The following SCAPER variants were observed in gnomAD, a reference collection of about 807,000 sequenced individuals.
SCAPER encodes the protein S phase cyclin A-associated protein in the endoplasmic reticulum.
SCAPER carries 98 observed loss-of-function variants against 182.2 expected under a neutral mutation model. The observed-to-expected ratio is 0.54, with a 90% CI of 0.46 to 0.64. The LOEUF (loss-of-function observed/expected upper bound fraction) is 0.64. Among genes scored for constraint, SCAPER ranks in the 30% least tolerant of loss-of-function variants. The pLI is 0.00. For synonymous variants in SCAPER, 605 were observed against 564.6 expected (o/e 1.07, Z -1.01); for missense variants, 1,432 against 1,690.0 (o/e 0.85, Z 2.68).
At chr15:76,542,002 A>C (rs2044790222) in intron 23 of SCAPER, among the ~76,000 whole-genome samples, 2 of 152,352 alleles carry the variant, frequency 1.3e-5, no homozygotes, top group South Asian at 4.1e-4. Flanking sequence ...TTTTCTGAGA[A>C]TAACTATAAG....
chr15:76,457,390 T>C (rs562260247), intron 25 of SCAPER, among the ~76,000 whole-genome samples: 27 of 152,332 alleles, frequency 1.8e-4, no homozygotes, highest in African/African-American at 4.1e-4. Context: ...TATTGACACA[T>C]TGGGTTTAGG....
chr15:76,834,375 A>G (rs1395925813), intron 5 of SCAPER, among the ~76,000 whole-genome samples: 1 of 152,234 alleles, frequency 6.6e-6, no homozygotes, highest in East Asian at 1.9e-4. Context: ...TTATAGCACT[A>G]AATGCATACA....
intron 10 of SCAPER, among the ~76,000 whole-genome samples, chr15:76,768,802 C>G (rs375819884): frequency 2.2e-4 from 29 of 130,932 alleles, no homozygotes; most frequent in East Asian, 2.0e-3. Context: ...ATACTATCAA[C>G]AAAATTGATC....
intron 21 of SCAPER, among the ~76,000 whole-genome samples, chr15:76,652,343 TACACACAC>T (rs1230104329): frequency 9.8e-4 from 12 of 12,224 alleles, no homozygotes; most frequent in Non-Finnish European, 8.3e-4. Flanking sequence ...TACACATATA[TACACACAC>T]ACACACACAC....
chr15:76,360,641 C>T (rs1405344210), intron 29 of SCAPER, among the ~76,000 whole-genome samples: 2 of 152,194 alleles, frequency 1.3e-5, no homozygotes, highest in Non-Finnish European at 2.9e-5. Flanking sequence ...TACTGCCATT[C>T]AAATAAACAA....
chr15:76,774,990 T>C lies in SCAPER; in HGVS notation c.900A>G (p.Lys300=), dbSNP rs1188962656. The C allele has an allele frequency of 6.2e-7, 1 of 1,613,892 alleles. No individual in the cohort carries two copies. Residue 300 remains lysine, a synonymous_variant, in exon 9 of 32, where the codon AAA becomes AAG. Coordinates refer to ENST00000563290, the MANE Select transcript of SCAPER (RefSeq NM_020843.4). ...CATCAGGTAAAAGACATACATTTTCTTTATCACTGTCATCCTTTGATCTTG... is the reference window on the plus strand; with the variant it reads ...CATCAGGTAAAAGACATACATTTTCCTTATCACTGTCATCCTTTGATCTTG... ...EATRSKDDSD[K]ENVCLLPDES...
intron 21 of SCAPER, among the ~76,000 whole-genome samples, chr15:76,662,776 G>T (rs1489473989): frequency 2.0e-5 from 3 of 151,862 alleles, no homozygotes; most frequent in Non-Finnish European, 2.9e-5. Context: ...AAATAAACCT[G>T]GACCCATACT....
chr15:76,782,506 G>C (rs574880413), intron 8 of SCAPER, among the ~76,000 whole-genome samples: 2 of 152,202 alleles, frequency 1.3e-5, no homozygotes, highest in South Asian at 4.2e-4. Context: ...TCCATGACTT[G>C]AACTCAGCTC....
intron 8 of SCAPER, chr15:76,793,118 C>T (rs962101548): frequency 6.4e-6 from 4 of 624,166 alleles, no homozygotes; most frequent in African/African-American, 5.8e-5. Context: ...GGGAAGAGAA[C>T]ATTAAATGCA....
intron 5 of SCAPER, among the ~76,000 whole-genome samples, chr15:76,811,518 C>T (rs1250426323): frequency 9.2e-5 from 14 of 152,186 alleles, no homozygotes; most frequent in African/African-American, 2.9e-4. Flanking sequence ...GGGCCAGGCG[C>T]GGTGGCTCAT....
chr15:76,635,258 G>T (rs2053492028), intron 21 of SCAPER, among the ~76,000 whole-genome samples: 1 of 152,082 alleles, frequency 6.6e-6, no homozygotes, highest in Non-Finnish European at 1.5e-5. Flanking sequence ...TCATCATGGG[G>T]TGCACTCAAA....
intron 27 of SCAPER, among the ~76,000 whole-genome samples, chr15:76,391,070 T>C (rs1435746922): frequency 6.6e-6 from 1 of 152,196 alleles, no homozygotes; most frequent in Non-Finnish European, 1.5e-5. Flanking sequence ...TCTCCTGGCC[T>C]TTACTTATTG....
At chr15:76,666,678 G>A (rs909575317) in intron 20 of SCAPER, among the ~76,000 whole-genome samples, 7 of 152,168 alleles carry the variant, frequency 4.6e-5, no homozygotes, top group African/African-American at 1.7e-4. Flanking sequence ...CACTTGCCTT[G>A]CTAAAAATTA....
intron 22 of SCAPER, among the ~76,000 whole-genome samples, chr15:76,587,129 T>C (rs1567532889): frequency 2.0e-5 from 3 of 152,170 alleles, no homozygotes; most frequent in Non-Finnish European, 4.4e-5. Context: ...TGATCTTTTG[T>C]ATTTCTGTGG....
intron 14 of SCAPER, among the ~76,000 whole-genome samples, chr15:76,762,558 A>T (rs1005235436): frequency 6.6e-6 from 1 of 152,036 alleles, no homozygotes; most frequent in African/African-American, 2.4e-5. Flanking sequence ...GTGTTTTTGA[A>T]GTCAGAGTTT....
At chr15:76,794,142 C>T (rs948758443) in intron 8 of SCAPER, among the ~76,000 whole-genome samples, 28 of 152,120 alleles carry the variant, frequency 1.8e-4, no homozygotes, top group African/African-American at 5.8e-4. Context: ...AAACTGAAGA[C>T]GAAACTGGTC....
intron 21 of SCAPER, among the ~76,000 whole-genome samples, chr15:76,650,843 TAAATC>T (rs1008273408): frequency 7.5e-4 from 114 of 152,192 alleles, no homozygotes; most frequent in Admixed American, 7.2e-4. Context: ...CACAGAAAAT[TAAATC>T]AACACTTAAA....
chr15:76,572,834 T>A (rs182867682), intron 23 of SCAPER, among the ~76,000 whole-genome samples: 73 of 152,100 alleles, frequency 4.8e-4, no homozygotes, highest in African/African-American at 1.6e-3. Flanking sequence ...AAGAAGTTCT[T>A]GTTTATTTAC....
intron 24 of SCAPER, chr15:76,472,245 G>C: frequency 1.8e-6 from 1 of 554,780 alleles, no homozygotes. Flanking sequence ...GGAGAGAGAG[G>C]AGGTACCCAA....
Sources: gnomAD v4.1 joint callset for allele counts (sites outside exome capture counted in the v4.1 genomes callset) on GRCh38, gnomAD v4.1.1 for gene constraint, MANE v1.5 for transcripts, NCBI Gene and HGNC (gene_info 2026-07-23, HGNC 2026-07-21) for gene names.